Variants in DNAH3 observed in about 807,000 individuals in gnomAD.
DNAH3 encodes axonemal beta dynein heavy chain 3.
A neutral mutation model predicts 432.5 loss-of-function variants in DNAH3; 332 were observed. The observed-to-expected ratio is 0.77, with a 90% CI of 0.70 to 0.84. The LOEUF is 0.84. Ranked by LOEUF, DNAH3 falls within the 40% of genes least tolerant of loss-of-function variation. The pLI is 0.00. For synonymous variants in DNAH3, 1,956 were observed against 1,900.2 expected, an observed-to-expected ratio of 1.03 and a Z score of -0.76; for missense variants, 4,861 against 5,114.0, an observed-to-expected ratio of 0.95 and a Z score of 1.51.
intron 4 of DNAH3, 141 bp downstream of exon 5, chr16:21,141,159 T>G (rs1237969649): frequency 2.9e-6 from 2 of 680,910 alleles, no homozygotes; most frequent in African/African-American, 1.9e-5. Context: ...ATTTTTTTTT[T>G]GATTAAAGTG....
At chr16:20,950,764 T>C (rs1024066049) in intron 56 of DNAH3, among the ~76,000 whole-genome samples, 2 of 152,200 alleles carry the variant, frequency 1.3e-5, no homozygotes, top group Non-Finnish European at 2.9e-5. Context: ...TTCTTATTCC[T>C]GTCTCTGGGA....
At chr16:21,132,959 T>A (rs200866263) in intron 7 of DNAH3, among the ~76,000 whole-genome samples, 24 of 78,996 alleles carry the variant, frequency 3.0e-4, no homozygotes, top group Admixed American at 4.1e-4. Flanking sequence ...CTCCTACAAT[T>A]TTTTTTTTTT....
At chr16:21,087,032 T>C in exon 19 of DNAH3, 1 of 1,614,102 alleles carries the variant, frequency 6.2e-7, no homozygotes. Context: ...CCTCCGCAAT[T>C]TGCTCAGCAT....
At chr16:21,134,667 A>C (rs1431937020) in intron 6 of DNAH3, among the ~76,000 whole-genome samples, 1 of 151,026 alleles carries the variant, frequency 6.6e-6, no homozygotes, top group Non-Finnish European at 1.5e-5. Context: ...CTTAGAGTCA[A>C]CTCTTTTTAT....
chr16:21,080,912 CTTT>C (rs927555755), intron 20 of DNAH3, among the ~76,000 whole-genome samples: 3 of 151,332 alleles, frequency 2.0e-5, no homozygotes, highest in Non-Finnish European at 4.4e-5. Context: ...GAAAAGACTT[CTTT>C]TTTTTTCTTT....
At chr16:21,009,411 G>A (rs750034183) in intron 41 of DNAH3, among the ~76,000 whole-genome samples, 5 of 152,124 alleles carry the variant, frequency 3.3e-5, no homozygotes, top group African/African-American at 9.7e-5. Context: ...ACTGTGATAC[G>A]GTGGTATGAA....
exon 53 of DNAH3, chr16:20,963,558 G>A (rs1258987699): frequency 6.2e-7 from 1 of 1,613,984 alleles, no homozygotes; most frequent in Admixed American, 1.7e-5. Context: ...ATTCACCCAG[G>A]TTCTGTTCCA....
At chr16:20,942,498 A>G (rs1008405617) in intron 58 of DNAH3, among the ~76,000 whole-genome samples, 1 of 152,154 alleles carries the variant, frequency 6.6e-6, no homozygotes, top group Non-Finnish European at 1.5e-5. Flanking sequence ...ATCGGGATAC[A>G]CCAACCAGGC....
chr16:21,117,175 T>A, intron 12 of DNAH3, 28 bp downstream of exon 12: 2 of 1,489,848 alleles, frequency 1.3e-6, no homozygotes, highest in Non-Finnish European at 1.8e-6. Context: ...AAAAGCTACA[T>A]AGCTAATAAA....
chr16:20,979,536 T>G (rs545343827), exon 50 of DNAH3: 1 of 1,614,078 alleles, frequency 6.2e-7, no homozygotes, highest in Admixed American at 1.7e-5. Flanking sequence ...TATTTGCACA[T>G]GGACACGACC....
chr16:20,998,000 G>A (rs1279500569), intron 43 of DNAH3, among the ~76,000 whole-genome samples: 1 of 152,046 alleles, frequency 6.6e-6, no homozygotes, highest in Non-Finnish European at 1.5e-5. Context: ...AACAGAGTGA[G>A]ACCCTGCCTC....
intron 57 of DNAH3, among the ~76,000 whole-genome samples, chr16:20,947,861 C>T (rs1362856786): frequency 3.3e-5 from 5 of 152,172 alleles, no homozygotes; most frequent in African/African-American, 1.2e-4. Context: ...ACCACAACCT[C>T]CACCTCCCAG....
chr16:21,030,958 T>TA, intron 37 of DNAH3, 87 bp downstream of exon 37: 2 of 1,343,718 alleles, frequency 1.5e-6, no homozygotes, highest in Non-Finnish European at 2.1e-6. Flanking sequence ...TAAATGTATG[T>TA]CTCTATATAG....
intron 41 of DNAH3, among the ~76,000 whole-genome samples, chr16:21,015,179 G>A (rs1342135778): frequency 6.6e-6 from 1 of 152,040 alleles, no homozygotes; most frequent in African/African-American, 2.4e-5. Flanking sequence ...TCCTTTAATG[G>A]GTGCATGGAT....
intron 40 of DNAH3, among the ~76,000 whole-genome samples, chr16:21,021,701 G>A (rs1380237033): frequency 1.3e-5 from 2 of 152,056 alleles, no homozygotes; most frequent in Non-Finnish European, 2.9e-5. Flanking sequence ...CTTGAGGTCA[G>A]GAGTTCAACA....
At chr16:21,111,379 C>T (rs1720295092) in intron 14 of DNAH3, among the ~76,000 whole-genome samples, 1 of 152,158 alleles carries the variant, frequency 6.6e-6, no homozygotes, top group African/African-American at 2.4e-5. Flanking sequence ...AAGACAAAAG[C>T]TTCAGGATCA....
intron 21 of DNAH3, among the ~76,000 whole-genome samples, chr16:21,073,670 C>A (rs1281110635): frequency 1.3e-5 from 2 of 152,164 alleles, no homozygotes; most frequent in Non-Finnish European, 2.9e-5. Context: ...TCCCCTAAGA[C>A]AGTCCATAGA....
At chr16:21,152,727 G>A (rs951789745) in intron 1 of DNAH3, among the ~76,000 whole-genome samples, 9 of 152,246 alleles carry the variant, frequency 5.9e-5, no homozygotes, top group East Asian at 3.9e-4. Context: ...GGCAATGAGG[G>A]GCTTAGCACC....
chr16:21,087,131 G>C, intron 18 of DNAH3, 71 bp from the exon 19 acceptor site: 2 of 1,298,686 alleles, frequency 1.5e-6, no homozygotes, highest in Non-Finnish European at 2.2e-6. Context: ...TTAATTCCCT[G>C]AACTTAGAGC....
Sources: allele counts gnomAD v4.1 joint callset (sites outside exome capture counted in the v4.1 genomes callset), GRCh38; gene constraint gnomAD v4.1.1; transcripts MANE v1.5; gene names NCBI Gene and HGNC (gene_info 2026-07-23, HGNC 2026-07-21).